The following NAALADL2 variants were observed in gnomAD, a reference collection of about 807,000 sequenced individuals.
The protein encoded by NAALADL2 is N-acetylated alpha-linked acidic dipeptidase like 2, also known as inactive N-acetylated-alpha-linked acidic dipeptidase-like protein 2.
A neutral mutation model predicts 87.2 loss-of-function variants in NAALADL2; 76 were observed. The observed-to-expected ratio is 0.87, with a 90% confidence interval of 0.72 to 1.05. The LOEUF (loss-of-function observed/expected upper bound fraction) is 1.05. NAALADL2 is among the 50% of genes least tolerant of loss of function. The pLI is 0.00. For synonymous variants in NAALADL2, 354 were observed against 331.0 expected, an observed-to-expected ratio of 1.07 and a Z score of -0.75; for missense variants, 1,089 against 945.8, an observed-to-expected ratio of 1.15 and a Z score of -1.99.
chr3:175,596,998 ATG>A (rs1560823403), intron 10 of NAALADL2, among the ~76,000 whole-genome samples: 1 of 152,010 alleles, frequency 6.6e-6, no homozygotes, highest in Non-Finnish European at 1.5e-5. Flanking sequence ...TGGCATTTAT[ATG>A]TAATATATGT....
intron 3 of NAALADL2, among the ~76,000 whole-genome samples, chr3:175,238,306 G>T (rs1313820869): frequency 6.6e-6 from 1 of 152,004 alleles, no homozygotes; most frequent in South Asian, 2.1e-4. Flanking sequence ...CTTTTAAAAT[G>T]CAGCTGTTAA....
intron 2 of NAALADL2, among the ~76,000 whole-genome samples, chr3:174,718,114 A>G (rs552234734): frequency 2.6e-5 from 4 of 152,024 alleles, no homozygotes; most frequent in East Asian, 1.9e-4. Context: ...TTGTGTCTCA[A>G]ACAAACAAAC....
intron 6 of NAALADL2, among the ~76,000 whole-genome samples, chr3:175,454,026 TGTATTGG>T (rs767482872): frequency 6.6e-6 from 1 of 152,216 alleles, no homozygotes; most frequent in South Asian, 2.1e-4. Context: ...GAGCACTGTT[TGTATTGG>T]TATCTTTATG....
chr3:174,791,327 A>G (rs1454857308), intron 3 of NAALADL2, among the ~76,000 whole-genome samples: 2 of 152,096 alleles, frequency 1.3e-5, no homozygotes, highest in Non-Finnish European at 2.9e-5. Context: ...CCTAACACCA[A>G]AGGCGATTGT....
intron 13 of NAALADL2, among the ~76,000 whole-genome samples, chr3:175,765,443 C>G (rs1748565023): frequency 6.6e-6 from 1 of 152,026 alleles, no homozygotes; most frequent in African/African-American, 2.4e-5. Context: ...GAACAAAGAA[C>G]ATACCTCATT....
At chr3:175,638,935 T>A (rs1406158553) in intron 11 of NAALADL2, among the ~76,000 whole-genome samples, 1 of 152,220 alleles carries the variant, frequency 6.6e-6, no homozygotes, top group Non-Finnish European at 1.5e-5. Flanking sequence ...TGTACTTTAC[T>A]TCCTTTAGTA....
At chr3:174,656,704 G>C (rs1475789650) in intron 2 of NAALADL2, among the ~76,000 whole-genome samples, 1 of 152,046 alleles carries the variant, frequency 6.6e-6, no homozygotes, top group Non-Finnish European at 1.5e-5. Context: ...TAAAGCATCT[G>C]CTTGCTGTTT....
Position 175,571,809 on chromosome 3 carries a change from C to T in NAALADL2, c.1654-4232C>T, listed in dbSNP as rs188810920. The stretch of plus-strand genomic sequence containing the variant: ...TGACCTTGGGAAAAAGAAAAACCCT[C>T]AAATCTGCAAATTGGGTTCCTAGCT... On this transcript the variant is annotated intron_variant, in intron 9 of 13. Coordinates refer to ENST00000454872, the MANE Select transcript of NAALADL2 (RefSeq NM_207015.3). Among the ~76,000 whole-genome samples the T allele has an allele frequency of 1.0e-3, 154 of 152,242 alleles. 1 individual carries two copies. The highest frequency in any genetic ancestry group is 1.8e-3 in the Admixed American group (27 of 15,282).
chr3:175,246,269 C>G (rs1314278765), intron 3 of NAALADL2, among the ~76,000 whole-genome samples: 1 of 152,096 alleles, frequency 6.6e-6, no homozygotes, highest in East Asian at 1.9e-4. Flanking sequence ...TAGGAAATTT[C>G]TAAAGCAGAA....
At chr3:175,657,970 T>C (rs182013470) in intron 11 of NAALADL2, among the ~76,000 whole-genome samples, 265 of 151,816 alleles carry the variant, frequency 1.7e-3, no homozygotes, top group African/African-American at 6.2e-3. Context: ...CTAATATGTA[T>C]GTGAGAAGGA....
chr3:175,360,584 T>G (rs1254199673), intron 5 of NAALADL2, among the ~76,000 whole-genome samples: 1 of 152,046 alleles, frequency 6.6e-6, no homozygotes, highest in African/African-American at 2.4e-5. Flanking sequence ...ACAGCAAATT[T>G]GGAAATTATT....
intron 13 of NAALADL2, among the ~76,000 whole-genome samples, chr3:175,758,706 T>C (rs1747593740): frequency 6.6e-6 from 1 of 152,076 alleles, no homozygotes; most frequent in Non-Finnish European, 1.5e-5. Flanking sequence ...GAAAAGTAGA[T>C]TGATTATTTA....
At chr3:174,864,761 C>A (rs536217034) in intron 1 of NAALADL2, among the ~76,000 whole-genome samples, 2 of 152,126 alleles carry the variant, frequency 1.3e-5, no homozygotes, top group East Asian at 3.9e-4. Context: ...GGAGTTTAAA[C>A]AAATTTAGCT....
intron 5 of NAALADL2, among the ~76,000 whole-genome samples, chr3:175,356,599 AT>A (rs1162287278): frequency 2.7e-5 from 4 of 147,078 alleles, no homozygotes; most frequent in South Asian, 2.1e-4. Context: ...AATAATAATA[AT>A]AATAATAATA....
intron 2 of NAALADL2, among the ~76,000 whole-genome samples, chr3:175,210,148 A>C (rs1580941420): frequency 6.6e-6 from 1 of 152,012 alleles, no homozygotes; most frequent in East Asian, 1.9e-4. Flanking sequence ...TAATTAGCCA[A>C]GGGTTGAATA....
At chr3:175,612,674 C>G (rs918318546) in intron 10 of NAALADL2, among the ~76,000 whole-genome samples, 4 of 152,028 alleles carry the variant, frequency 2.6e-5, no homozygotes, top group Admixed American at 6.5e-5. Flanking sequence ...CTAACAGGCT[C>G]TGACCTCAAA....
intron 2 of NAALADL2, among the ~76,000 whole-genome samples, chr3:174,634,316 A>G (rs1159177799): frequency 6.6e-6 from 1 of 152,102 alleles, no homozygotes; most frequent in African/African-American, 2.4e-5. Flanking sequence ...ACCTCCACAA[A>G]TCTTTGTGTG....
At chr3:175,028,650 T>C (rs923303282) in intron 1 of NAALADL2, among the ~76,000 whole-genome samples, 8 of 152,054 alleles carry the variant, frequency 5.3e-5, no homozygotes, top group Non-Finnish European at 1.0e-4. Context: ...AGAGTATCTT[T>C]TAAATTTACC....
At chr3:174,544,574 T>G (rs1359368388) in intron 1 of NAALADL2, among the ~76,000 whole-genome samples, 1 of 146,382 alleles carries the variant, frequency 6.8e-6, no homozygotes, top group Non-Finnish European at 1.5e-5. Context: ...TTTCTTTTTT[T>G]TTTTTTTTTT....
Sources: gnomAD v4.1 joint callset for allele counts (sites outside exome capture counted in the v4.1 genomes callset) on GRCh38, gnomAD v4.1.1 for gene constraint, MANE v1.5 for transcripts, NCBI Gene and HGNC (gene_info 2026-07-23, HGNC 2026-07-21) for gene names.